UGP2: variants seen among roughly 807,000 people sequenced by gnomAD.
The protein encoded by UGP2 is UDP-glucose pyrophosphorylase 2.
UGP2 carries 40 observed loss-of-function variants against 49.0 expected under a neutral mutation model. The ratio of observed to expected loss-of-function variants is 0.82; its 90% CI spans 0.63 to 1.06. The LOEUF (loss-of-function observed/expected upper bound fraction) is 1.06, where lower values mean the gene tolerates loss of function less well. Among genes scored for constraint, UGP2 ranks in the 50% least tolerant of loss-of-function variants. UGP2 has a pLI of 0.00. For synonymous variants in UGP2, 225 were observed against 213.0 expected, an observed-to-expected ratio of 1.06 and a Z score of -0.49; for missense variants, 460 against 603.5, an observed-to-expected ratio of 0.76 and a Z score of 2.49.
intron 1 of UGP2, chr2:63,855,741 C>A (rs940145193): frequency 5.0e-6 from 2 of 401,478 alleles, no homozygotes; most frequent in Non-Finnish European, 1.0e-5. Flanking sequence ...GAGGTTTTGC[C>A]GTGTTGCCCA....
chr2:63,881,116 A>AT (rs1448435264), intron 3 of UGP2, among the ~76,000 whole-genome samples: 1 of 152,228 alleles, frequency 6.6e-6, no homozygotes, highest in Non-Finnish European at 1.5e-5. Context: ...AAGAAAGTGT[A>AT]TTAATTTGCA....
intron 3 of UGP2, among the ~76,000 whole-genome samples, chr2:63,870,660 AAT>A (rs1428664851): frequency 1.3e-5 from 2 of 152,346 alleles, no homozygotes; most frequent in African/African-American, 4.8e-5. Context: ...TTCATTAATT[AAT>A]AGCCGTTTGT....
At chr2:63,848,298 G>A (rs1668806559) in intron 1 of UGP2, among the ~76,000 whole-genome samples, 1 of 152,118 alleles carries the variant, frequency 6.6e-6, no homozygotes, top group Admixed American at 6.5e-5. Flanking sequence ...GGCCATCTTG[G>A]TCTTGGTAAT....
chr2:63,871,247 TC>T (rs1670528641), intron 3 of UGP2, among the ~76,000 whole-genome samples: 1 of 152,172 alleles, frequency 6.6e-6, no homozygotes, highest in Admixed American at 6.5e-5. Context: ...CATTCTGGTT[TC>T]TGTCTGTATG....
intron 1 of UGP2, 66 bp from the exon 2 acceptor site, chr2:63,856,240 A>T: frequency 1.3e-6 from 2 of 1,566,228 alleles, no homozygotes; most frequent in Non-Finnish European, 1.7e-6. Context: ...AATCAGTTAT[A>T]GCTTACCAGC....
chr2:63,877,862 G>GGGC (rs1671016110), intron 3 of UGP2, among the ~76,000 whole-genome samples: 1 of 150,892 alleles, frequency 6.6e-6, no homozygotes, highest in African/African-American at 2.4e-5. Flanking sequence ...GCGCGGTGGC[G>GGGC]GGCGCCTGTA....
intron 4 of UGP2, 77 bp from the exon 5 acceptor site, chr2:63,883,883 C>A: frequency 6.7e-7 from 1 of 1,503,430 alleles, no homozygotes; most frequent in Non-Finnish European, 8.9e-7. Context: ...TATGATTTAA[C>A]CATTAAGAAC....
chr2:63,843,202 T>C (rs1245577499), intron 1 of UGP2, among the ~76,000 whole-genome samples: 1 of 152,264 alleles, frequency 6.6e-6, no homozygotes, highest in Non-Finnish European at 1.5e-5. Context: ...TTAACTCTTC[T>C]TTAAATTTTG....
At position 63,891,161 on chromosome 2, in the gene UGP2, T is replaced by A. The variant is rs1228189311; in HGVS notation, c.1461T>A (p.Asp487Glu). Reference protein sequence around the residue: ...IIIANHGDRIDIPPGAVLENK... With the variant: ...IIIANHGDRIEIPPGAVLENK... ...TTGCAAATCATGGTGACAGAATTGA[T>A]ATCCCACCTGGAGCAGTATTAGAGA... The change falls in exon 10 of 10, where the codon GAT (aspartate) becomes GAA (glutamate). Residue 487 changes from aspartate to glutamate, a missense_variant. Around this residue, in one of 2 missense-constraint regions of UGP2, gnomAD observed 317 missense variants for 473.0 expected, o/e 0.67. Coordinates refer to ENST00000337130, the MANE Select transcript of UGP2 (RefSeq NM_006759.4). 1 of 1,613,710 alleles carries A rather than the reference T, an allele frequency of 6.2e-7. No homozygotes were observed. Among genetic ancestry groups the A allele is most frequent in the African/African-American group, 1.3e-5 (1 of 74,914 alleles).
intron 3 of UGP2, 151 bp from the exon 4 acceptor site, chr2:63,882,315 C>A: frequency 1.7e-6 from 1 of 593,148 alleles, no homozygotes; most frequent in Non-Finnish European, 2.6e-6. Flanking sequence ...TTTTGAACCA[C>A]AAGGGCCTAT....
chr2:63,859,850 G>T (rs1669713712), intron 3 of UGP2, among the ~76,000 whole-genome samples: 1 of 152,124 alleles, frequency 6.6e-6, no homozygotes, highest in African/African-American at 2.4e-5. Context: ...ATTTTGGAAT[G>T]CAGAGGCAAA....
chr2:63,885,550 C>T, intron 5 of UGP2, 39 bp from the exon 6 acceptor site: 1 of 1,472,564 alleles, frequency 6.8e-7, no homozygotes, highest in Non-Finnish European at 9.0e-7. Context: ...AAATGCTCTA[C>T]AGGGTCAATA....
At chr2:63,856,541 AT>A in intron 2 of UGP2, 108 bp downstream of exon 2, 1 of 1,310,710 alleles carries the variant, frequency 7.6e-7, no homozygotes, top group Non-Finnish European at 1.0e-6. Flanking sequence ...TCAGCACAAG[AT>A]GTACGATAAC....
At chr2:63,890,246 G>C in intron 9 of UGP2, 61 bp downstream of exon 9, 1 of 1,263,208 alleles carries the variant, frequency 7.9e-7, no homozygotes, top group Admixed American at 2.3e-5. Context: ...TCATTTTCTA[G>C]TCATAAATTT....
intron 4 of UGP2, chr2:63,883,213 C>T (rs1340589417): frequency 6.6e-6 from 1 of 152,146 alleles, no homozygotes; most frequent in African/African-American, 2.4e-5. Context: ...TATTGTCCAC[C>T]AAGTATTATT....
In UGP2 at chr2:63,842,200, A is replaced by T. The variant is rs146746356; in HGVS notation, c.15A>T (p.Val5=). 5.0e-6 allele frequency: 8 copies of T among 1,603,450 alleles called. No individual in the cohort carries two copies. The highest frequency in any genetic ancestry group is 5.1e-6 in the Non-Finnish European group (6 of 1,177,402). Residue 5 remains valine (V), a synonymous_variant, in exon 1 of 10, where the codon GTA becomes GTT. Coordinates refer to ENST00000337130, the MANE Select transcript of UGP2 (RefSeq NM_006759.4). MSRF[V]QDLSKAMSQD... Reference sequence around the variant, plus strand: ...AAGCCCCTAAAATGTCGAGATTTGTACAAGGTAAGAAATGCTGCTGCTTAT... The same window carrying T: ...AAGCCCCTAAAATGTCGAGATTTGTTCAAGGTAAGAAATGCTGCTGCTTAT...
At chr2:63,867,200 A>T (rs1043558359) in intron 3 of UGP2, among the ~76,000 whole-genome samples, 1 of 152,212 alleles carries the variant, frequency 6.6e-6, no homozygotes, top group East Asian at 1.9e-4. Context: ...TCCTACCATT[A>T]CAAAGACCAC....
At chr2:63,873,901 C>T (rs1270130150) in intron 3 of UGP2, among the ~76,000 whole-genome samples, 1 of 152,210 alleles carries the variant, frequency 6.6e-6, no homozygotes, top group Admixed American at 6.5e-5. Flanking sequence ...TTGGGCTTCT[C>T]TGTCTGGCTG....
chr2:63,872,058 A>G (rs532662664), intron 3 of UGP2, among the ~76,000 whole-genome samples: 8 of 152,232 alleles, frequency 5.3e-5, no homozygotes, highest in East Asian at 1.9e-4. Flanking sequence ...CTATGTTCCA[A>G]TAAAACTTTA....
Sources: allele counts gnomAD v4.1 joint callset (sites outside exome capture counted in the v4.1 genomes callset), GRCh38; gene constraint gnomAD v4.1.1; regional missense constraint gnomAD v4.1.1; transcripts MANE v1.5; gene names NCBI Gene and HGNC (gene_info 2026-07-23, HGNC 2026-07-21).